MS4A3: variants seen among roughly 807,000 people sequenced by gnomAD.
The protein encoded by MS4A3 is membrane-spanning 4-domains subfamily A member 3.
Under a neutral mutation model 24.7 loss-of-function variants are expected in MS4A3, and 18 were observed. That is an observed-to-expected ratio of 0.73 (90% CI 0.50 to 1.08). The LOEUF (loss-of-function observed/expected upper bound fraction) is 1.08. Among genes scored for constraint, MS4A3 ranks in the 50% least tolerant of loss-of-function variants. The pLI, the probability that MS4A3 is intolerant of heterozygous loss-of-function variation, is 0.00. For missense variants in MS4A3, 282 were observed against 251.7 expected (o/e 1.12, Z -0.82); for synonymous variants, 84 against 95.3 (o/e 0.88, Z 0.69).
At chr11:60,065,687 T>C (rs1855349595) in intron 4 of MS4A3, among the ~76,000 whole-genome samples, 1 of 152,238 alleles carries the variant, frequency 6.6e-6, no homozygotes, top group African/African-American at 2.4e-5. Flanking sequence ...GCATTTAGCA[T>C]AGTTAGTCGC....
intron 1 of MS4A3, among the ~76,000 whole-genome samples, chr11:60,059,543 C>G (rs770719277): frequency 1.1e-4 from 16 of 152,182 alleles, no homozygotes; most frequent in Admixed American, 3.3e-4. Context: ...CCTCCCTCCT[C>G]TCTCTGATAA....
rs567969921 is a variant in MS4A3, at chr11:60,059,528, G to T, written c.-15-1618G>T. ...CTAGTACTCAATAGTTATTTTTCCC[G>T]ATCTCCTCCCTCCTCTCTCTGATAA... On this transcript the variant is annotated intron_variant, in intron 1 of 6. Coordinates refer to ENST00000278865, the MANE Select transcript of MS4A3 (RefSeq NM_006138.5). Among the ~76,000 whole-genome samples the T allele has an allele frequency of 7.2e-5, 11 of 152,022 alleles. No homozygotes were observed. The South Asian group carries it at 2.3e-3, about 32-fold the overall frequency.
chr11:60,063,444 A>AT (rs1219669242), intron 3 of MS4A3, among the ~76,000 whole-genome samples: 7 of 152,080 alleles, frequency 4.6e-5, no homozygotes, highest in Non-Finnish European at 7.4e-5. Context: ...TTTGTTGGCC[A>AT]TTTGTATATC....
intron 3 of MS4A3, among the ~76,000 whole-genome samples, chr11:60,063,100 A>C (rs1855304248): frequency 6.6e-6 from 1 of 152,208 alleles, no homozygotes. Context: ...TGCCAGGCCA[A>C]AAATCTCTTT....
At chr11:60,062,267 C>T (rs72916634) in intron 2 of MS4A3, among the ~76,000 whole-genome samples, 4,243 of 152,122 alleles carry the variant, frequency 0.028, 74 homozygotes, top group Middle Eastern at 0.078. Flanking sequence ...GAGGTGAAGA[C>T]AAAATGCTGC....
chr11:60,068,081 C>A (rs890038063), intron 5 of MS4A3, among the ~76,000 whole-genome samples: 1 of 151,866 alleles, frequency 6.6e-6, no homozygotes, highest in African/African-American at 2.4e-5. Context: ...AATAAAGTTT[C>A]ATTTCATATC....
intron 5 of MS4A3, among the ~76,000 whole-genome samples, chr11:60,068,389 G>T (rs1169482570): frequency 6.8e-6 from 1 of 147,934 alleles, no homozygotes; most frequent in African/African-American, 2.5e-5. Context: ...ACAGGCGCCC[G>T]CCACCACGCC....
At position 60,070,726 on chromosome 11, in the gene MS4A3, A is replaced by G. The variant is rs1855461907; in HGVS notation, c.*493A>G. The G allele has an allele frequency of 6.5e-6, 1 of 152,674 alleles. No homozygotes were observed. The highest frequency in any genetic ancestry group is 2.1e-4 in the South Asian group (1 of 4,844). 9.5% of individuals were successfully genotyped at this position (152,674 alleles called of 1,614,324 possible). ...TATAAAAAGTGTCAAATAAAAAATT[A>G]CCATCATTATCATTAAAATAAATTT... On this transcript the variant is annotated 3_prime_UTR_variant, in exon 7 of 7. Transcript: ENST00000278865.
intron 5 of MS4A3, among the ~76,000 whole-genome samples, chr11:60,068,786 G>GT (rs1289632855): frequency 6.6e-6 from 1 of 151,410 alleles, no homozygotes; most frequent in African/African-American, 2.5e-5. Context: ...CATGTGTCGT[G>GT]TTTGTTTGCT....
At chr11:60,059,579 T>C (rs1206644981) in intron 1 of MS4A3, among the ~76,000 whole-genome samples, 1 of 152,140 alleles carries the variant, frequency 6.6e-6, no homozygotes, top group Non-Finnish European at 1.5e-5. Context: ...TTCCCCTCTA[T>C]GTGTCCATTT....
intron 3 of MS4A3, among the ~76,000 whole-genome samples, chr11:60,063,939 C>A (rs928408178): frequency 6.6e-6 from 1 of 151,940 alleles, no homozygotes; most frequent in Admixed American, 6.6e-5. Context: ...GTGATGGGTG[C>A]ACCAAAATCT....
intron 4 of MS4A3, among the ~76,000 whole-genome samples, chr11:60,064,648 CTTCTA>C (rs963035645): frequency 6.6e-6 from 1 of 152,190 alleles, no homozygotes; most frequent in African/African-American, 2.4e-5. Context: ...AAAGTCCAAA[CTTCTA>C]TTCTAAACAA....
rs146752709 is a variant in MS4A3, at chr11:60,064,699, C to T, written c.351+381C>T. On this transcript the variant is annotated intron_variant, in intron 4 of 6. Transcript: ENST00000278865. ...TCTATGATGTGTTCTTAGTGAGTCA[C>T]GTAGCCACTGATACTCCACTTTCCT... 1.6e-3 allele frequency among the ~76,000 whole-genome samples: 250 copies of T among 152,306 alleles called. 2 individuals carry two copies. Among genetic ancestry groups the T allele is most frequent in the African/African-American group, 5.7e-3 (239 of 41,566 alleles).
chr11:60,063,048 T>C (rs1855303381), intron 3 of MS4A3, among the ~76,000 whole-genome samples: 2 of 152,342 alleles, frequency 1.3e-5, no homozygotes, highest in Non-Finnish European at 2.9e-5. Context: ...TCCTCCCAGC[T>C]TGGCCTCCCA....
chr11:60,065,938 A>G (rs542145595), intron 4 of MS4A3, among the ~76,000 whole-genome samples: 31 of 152,292 alleles, frequency 2.0e-4, no homozygotes, highest in Middle Eastern at 6.8e-3. Flanking sequence ...CTGTATGCCC[A>G]CAACCCTGAA....
chr11:60,061,152 A>G lies in MS4A3; in HGVS notation c.-9A>G, dbSNP rs1389542729. On this transcript the variant is annotated 5_prime_UTR_variant, in exon 2 of 7. Transcript: ENST00000278865. ...GATTTCTTTTCTATCACAGCCATAA[A>G]CAACCCCAATGGCCTCCCACGAAGT... 6.4e-7 allele frequency: 1 copy of G among 1,566,010 alleles called. No homozygotes were observed. The highest frequency in any genetic ancestry group is 8.6e-7 in the Non-Finnish European group (1 of 1,161,746).
Position 60,070,519 on chromosome 11 carries a change from A to C in MS4A3, c.*286A>C. ...ATCATTACTCCAAAGTTGTTTCCAG[A>C]AATTGGTTCTATTTCTTCTTATCCA... is the stretch of plus-strand genomic sequence containing the variant. On this transcript the variant is annotated 3_prime_UTR_variant, in exon 7 of 7. Coordinates refer to ENST00000278865, the MANE Select transcript of MS4A3 (RefSeq NM_006138.5). The C allele has an allele frequency of 3.0e-6, 1 of 332,250 alleles. No homozygotes were observed. The highest frequency in any genetic ancestry group is 5.4e-6 in the Non-Finnish European group (1 of 184,560). The allele number at this position is 332,250 out of a possible 1,614,324, so 20.6% of individuals were successfully genotyped here.
chr11:60,071,111 C>G lies in MS4A3; in HGVS notation c.*878C>G, dbSNP rs1322123960. 6.6e-6 allele frequency: 1 copy of G among 152,278 alleles called. No homozygotes were observed. The highest frequency in any genetic ancestry group is 2.4e-5 in the African/African-American group (1 of 41,452). 9.4% of individuals were successfully genotyped at this position (152,278 alleles called of 1,614,324 possible). Reference sequence around the variant, plus strand: ...ATGAAAATAAAAAGAAAATGTGAAACAGCACCACAGGTACTTGACAATGAT... The same window carrying G: ...ATGAAAATAAAAAGAAAATGTGAAAGAGCACCACAGGTACTTGACAATGAT... On this transcript the variant is annotated 3_prime_UTR_variant, in exon 7 of 7. Transcript: ENST00000278865.
At chr11:60,068,163 T>A (rs1025281485) in intron 5 of MS4A3, among the ~76,000 whole-genome samples, 2 of 152,076 alleles carry the variant, frequency 1.3e-5, no homozygotes, top group Non-Finnish European at 2.9e-5. Context: ...AATAATGACT[T>A]GAAGTTTTGA....
Sources: gnomAD v4.1 joint callset for allele counts (sites outside exome capture counted in the v4.1 genomes callset) on GRCh38, gnomAD v4.1.1 for gene constraint, MANE v1.5 for transcripts, NCBI Gene and HGNC (gene_info 2026-07-23, HGNC 2026-07-21) for gene names.